Variants in TENM2 observed in about 807,000 individuals in gnomAD.
TENM2 encodes the protein teneurin-2.
A neutral mutation model predicts 245.2 loss-of-function variants in TENM2; 52 were observed. That is an observed-to-expected ratio of 0.21 (90% CI 0.17 to 0.27). The LOEUF is 0.27. TENM2 is among the 10% of genes least tolerant of loss of function. The probability of loss-of-function intolerance (pLI) is 1.00; values close to 1 mark genes in which losing one functional copy is unlikely to be tolerated. For synonymous variants in TENM2, 1,363 were observed against 1,438.9 expected, an observed-to-expected ratio of 0.95 and a Z score of 1.19; for missense variants, 3,046 against 3,666.8, an observed-to-expected ratio of 0.83 and a Z score of 4.37.
intron 6 of TENM2, among the ~76,000 whole-genome samples, chr5:168,053,777 C>T (rs1293984481): frequency 6.6e-6 from 1 of 151,998 alleles, no homozygotes; most frequent in Non-Finnish European, 1.5e-5. Context: ...CCTGTGGATA[C>T]CAAGGGATGA....
chr5:168,156,956 T>A (rs1275239982), intron 12 of TENM2, among the ~76,000 whole-genome samples: 4 of 152,134 alleles, frequency 2.6e-5, no homozygotes, highest in Non-Finnish European at 5.9e-5. Flanking sequence ...ATTCAAAGTG[T>A]AGGTAATGAC....
intron 2 of TENM2, among the ~76,000 whole-genome samples, chr5:167,730,454 G>A (rs941331868): frequency 3.3e-5 from 5 of 152,188 alleles, no homozygotes; most frequent in Admixed American, 2.6e-4. Flanking sequence ...GTGTCATCCA[G>A]CATTTGAAAG....
intron 13 of TENM2, among the ~76,000 whole-genome samples, chr5:168,182,054 A>G (rs961098410): frequency 3.3e-5 from 5 of 152,186 alleles, no homozygotes; most frequent in Non-Finnish European, 7.4e-5. Flanking sequence ...GCGACGGTTC[A>G]TCAGGCAGCC....
intron 2 of TENM2, among the ~76,000 whole-genome samples, chr5:167,650,260 C>A (rs1258162777): frequency 6.6e-6 from 1 of 152,156 alleles, no homozygotes; most frequent in Admixed American, 6.5e-5. Flanking sequence ...ATACTTTGTT[C>A]TTTATGCATA....
intron 2 of TENM2, among the ~76,000 whole-genome samples, chr5:167,462,191 C>CCCA (rs1554159765): frequency 1.5e-5 from 2 of 136,946 alleles, no homozygotes; most frequent in Non-Finnish European, 3.2e-5. Flanking sequence ...ACCCCCCCCC[C>CCCA]CCATTGCAGG....
At chr5:167,810,990 A>G (rs1766594401) in intron 2 of TENM2, among the ~76,000 whole-genome samples, 1 of 152,198 alleles carries the variant, frequency 6.6e-6, no homozygotes. Context: ...ATGCAACCAG[A>G]CAATAGTGGC....
At chr5:167,383,018 TG>T (rs1486525970) in intron 2 of TENM2, among the ~76,000 whole-genome samples, 2 of 151,924 alleles carry the variant, frequency 1.3e-5, no homozygotes, top group East Asian at 1.9e-4. Flanking sequence ...TAATTTGGGG[TG>T]GGGGGACTTA....
At chr5:168,030,427 G>A (rs1485549146) in intron 5 of TENM2, among the ~76,000 whole-genome samples, 2 of 152,048 alleles carry the variant, frequency 1.3e-5, no homozygotes, top group East Asian at 3.9e-4. Context: ...TCAAACTTGA[G>A]CATTCATCCG....
chr5:167,250,270 G>A, the TENM2 span, among the ~76,000 whole-genome samples: 3 of 151,972 alleles, frequency 2.0e-5, no homozygotes, highest in Non-Finnish European at 4.4e-5. Flanking sequence ...GCAGTAAGCC[G>A]TGATACTGCC....
At chr5:167,859,753 C>T (rs1338073032) in intron 2 of TENM2, among the ~76,000 whole-genome samples, 9 of 95,700 alleles carry the variant, frequency 9.4e-5, no homozygotes, top group Admixed American at 1.7e-4. Flanking sequence ...GCCCCCCGCC[C>T]GGCCAGCCGC....
At chr5:166,989,300 G>T in the TENM2 span, among the ~76,000 whole-genome samples, 5 of 110,904 alleles carry the variant, frequency 4.5e-5, no homozygotes, top group African/African-American at 1.8e-4. Context: ...TCTCTCTGTT[G>T]CCAGGCTGGA....
chr5:167,508,375 T>A (rs62383319), intron 2 of TENM2, among the ~76,000 whole-genome samples: 68,460 of 152,012 alleles, frequency 0.45, 16,224 homozygotes, highest in East Asian at 0.57. Flanking sequence ...TATGTAAATT[T>A]AACTATGCGC....
intron 2 of TENM2, among the ~76,000 whole-genome samples, chr5:167,856,672 A>G (rs192754528): frequency 9.2e-5 from 14 of 152,336 alleles, no homozygotes; most frequent in Non-Finnish European, 1.3e-4. Context: ...TGAGACATAA[A>G]TAATCTTCTG....
chr5:167,440,026 A>C (rs993610898), intron 2 of TENM2, among the ~76,000 whole-genome samples: 3 of 152,134 alleles, frequency 2.0e-5, no homozygotes, highest in African/African-American at 7.2e-5. Flanking sequence ...GGTAGCCCTA[A>C]CCTTTCCCAG....
At chr5:168,138,258 T>A (rs1755239502) in intron 12 of TENM2, among the ~76,000 whole-genome samples, 1 of 152,182 alleles carries the variant, frequency 6.6e-6, no homozygotes, top group Admixed American at 6.5e-5. Flanking sequence ...TAAGCCTCAG[T>A]TTTTCCCGTC....
the TENM2 span, among the ~76,000 whole-genome samples, chr5:167,259,263 G>T: frequency 6.6e-6 from 1 of 152,168 alleles, no homozygotes. Flanking sequence ...CATTGAAGAT[G>T]AGAGATCTGG....
the TENM2 span, among the ~76,000 whole-genome samples, chr5:167,228,311 T>A: frequency 4.6e-5 from 7 of 152,080 alleles, no homozygotes; most frequent in East Asian, 1.4e-3. Flanking sequence ...ATTACAGGCA[T>A]GAGCCACCAC....
At chr5:167,483,122 A>G (rs1582169700) in intron 2 of TENM2, among the ~76,000 whole-genome samples, 1 of 152,202 alleles carries the variant, frequency 6.6e-6, no homozygotes, top group African/African-American at 2.4e-5. Flanking sequence ...GATCAAAGTC[A>G]CTTACTTTAT....
At chr5:168,083,802 G>T (rs561551487) in intron 7 of TENM2, among the ~76,000 whole-genome samples, 1 of 152,162 alleles carries the variant, frequency 6.6e-6, no homozygotes, top group South Asian at 2.1e-4. Context: ...ACCTGGGTAT[G>T]TTGCATGATG....
Sources: allele counts gnomAD v4.1 joint callset (sites outside exome capture counted in the v4.1 genomes callset), GRCh38; gene constraint gnomAD v4.1.1; transcripts MANE v1.5; gene names NCBI Gene and HGNC (gene_info 2026-07-23, HGNC 2026-07-21).